Variants in SLC1A1 observed in about 807,000 individuals in gnomAD.
SLC1A1 encodes excitatory amino acid transporter 3.
In SLC1A1, 43 loss-of-function variants were observed where a neutral mutation model predicts 53.3. The observed-to-expected ratio is 0.81, with a 90% CI of 0.63 to 1.04. SLC1A1 has a LOEUF of 1.04. SLC1A1 is among the 50% of genes least tolerant of loss of function. SLC1A1 has a pLI of 0.00. For missense variants in SLC1A1, 748 were observed against 664.9 expected (o/e 1.12, Z -1.37); for synonymous variants, 307 against 243.2 (o/e 1.26, Z -2.44).
intron 1 of SLC1A1, among the ~76,000 whole-genome samples, chr9:4,526,525 T>C (rs7864309): frequency 0.32 from 48,973 of 152,048 alleles, 8,762 homozygotes; most frequent in Admixed American, 0.42. Flanking sequence ...GAAGATGGAA[T>C]TGGGGAGGAT....
chr9:4,561,567 T>C, intron 3 of SLC1A1, 26 bp downstream of exon 3: 1 of 1,297,050 alleles, frequency 7.7e-7, no homozygotes, highest in Non-Finnish European at 1.1e-6. Context: ...GAATCCTTAC[T>C]ACTTTATGTA....
chr9:4,571,025 T>C (rs997328314), intron 6 of SLC1A1, among the ~76,000 whole-genome samples: 1 of 152,160 alleles, frequency 6.6e-6, no homozygotes, highest in Non-Finnish European at 1.5e-5. Flanking sequence ...TGTGTACATA[T>C]ATACCATGGA....
At chr9:4,576,785 A>G in intron 10 of SLC1A1, 22 bp downstream of exon 10, 1 of 1,603,910 alleles carries the variant, frequency 6.2e-7, no homozygotes, top group Non-Finnish European at 8.5e-7. Flanking sequence ...TGTCACATTC[A>G]TTGTCATCAC....
chr9:4,517,614 G>T (rs942130084), intron 1 of SLC1A1, among the ~76,000 whole-genome samples: 1 of 152,222 alleles, frequency 6.6e-6, no homozygotes, highest in African/African-American at 2.4e-5. Context: ...AAAGATGACA[G>T]CCAGGAGGAA....
At position 4,572,245 on chromosome 9, in the gene SLC1A1, T is replaced by G. The variant is rs755541321; in HGVS notation, c.624T>G (p.Asp208Glu). The G allele has an allele frequency of 1.9e-6, 3 of 1,614,084 alleles. No individual in the cohort carries two copies. In the East Asian group the frequency reaches 6.7e-5, roughly 36 times the overall value. Residue 208 changes from aspartate (D) to glutamate (E), a missense_variant, in exon 7 of 12, where the codon GAT becomes GAG. Transcript: ENST00000262352. The stretch of plus-strand genomic sequence containing the variant: ...ACAAAATTGTTGGCATGTATTCAGA[T>G]GGCATAAACGTCCTGGGCTTGATTG... Reference protein sequence around the residue: ...KEYKIVGMYSDGINVLGLIVF... With the variant: ...KEYKIVGMYSEGINVLGLIVF...
rs1485984581 is a variant in SLC1A1, at chr9:4,585,884, T to C, written c.*326T>C. On this transcript the variant is annotated 3_prime_UTR_variant, in exon 12 of 12. Coordinates refer to ENST00000262352, the MANE Select transcript of SLC1A1 (RefSeq NM_004170.6). ...TGGATATGAAAGAGAAAATGCTTTC[T>C]CATGCATAGACAAGTGTTTTGGGTT... The C allele has an allele frequency of 3.3e-6, 1 of 304,052 alleles. No homozygotes were observed. Among genetic ancestry groups the C allele is most frequent in the East Asian group, 7.7e-5 (1 of 12,974 alleles). 18.8% of individuals were successfully genotyped at this position (304,052 alleles called of 1,614,324 possible).
intron 4 of SLC1A1, among the ~76,000 whole-genome samples, chr9:4,565,059 C>G (rs1021808234): frequency 1.3e-5 from 2 of 152,114 alleles, no homozygotes; most frequent in African/African-American, 4.8e-5. Flanking sequence ...TTCTATAGAA[C>G]AGAGCACCAA....
rs774927739 is a variant in SLC1A1, at chr9:4,585,362, G to A, written c.1379G>A (p.Gly460Asp). ...VNVLGDAFGT[G>D]IVEKLSKKEL... ...GTCCTTGGTGATGCTTTTGGGACGG[G>A]CATTGTGGAAAAGCTCTCCAAGAAG... The change falls in exon 12 of 12, where the codon GGC becomes GAC. Residue 460 changes from glycine (G) to aspartate (D), a missense_variant. Gly to Asp is a moderately conservative substitution (Grantham distance 94). Transcript: ENST00000262352. 9 of 1,614,064 alleles carry A rather than the reference G, an allele frequency of 5.6e-6. No homozygotes were observed. Among genetic ancestry groups the A allele is most frequent in the Middle Eastern group, 1.6e-4 (1 of 6,076 alleles).
chr9:4,504,307 A>AT (rs1437781058), intron 1 of SLC1A1, among the ~76,000 whole-genome samples: 6 of 152,004 alleles, frequency 3.9e-5, no homozygotes, highest in Non-Finnish European at 8.8e-5. Flanking sequence ...TTATTTCTGG[A>AT]TTTTCCCCCT....
chr9:4,567,143 A>G (rs1008010713), intron 5 of SLC1A1, among the ~76,000 whole-genome samples: 1 of 152,216 alleles, frequency 6.6e-6, no homozygotes, highest in Non-Finnish European at 1.5e-5. Flanking sequence ...GGGCTGAAAG[A>G]AGAGAATTCA....
At chr9:4,527,183 GT>G (rs1304139264) in intron 1 of SLC1A1, among the ~76,000 whole-genome samples, 4 of 152,290 alleles carry the variant, frequency 2.6e-5, no homozygotes, top group Non-Finnish European at 4.4e-5. Context: ...CTACCAGGAA[GT>G]GAATCCTGAG....
chr9:4,572,330 G>A lies in SLC1A1; in HGVS notation c.709G>A (p.Val237Met). The part of the protein sequence containing the change: ...GKMGEKGQIL[V>M]DFFNALSDAT... ...AATGGGAGAAAAGGGACAAATTCTG[G>A]TGGATTTCTTCAATGCTTTGAGTGA... The change falls in exon 7 of 12, where the codon GTG (valine) becomes ATG (methionine). Residue 237 changes from valine (V) to methionine (M), a missense_variant. Physicochemically the swap from Val to Met is conservative, Grantham distance 21. Coordinates refer to ENST00000262352, the MANE Select transcript of SLC1A1 (RefSeq NM_004170.6). 6.2e-7 allele frequency: 1 copy of A among 1,614,146 alleles called. No individual in the cohort carries two copies. Among genetic ancestry groups the A allele is most frequent in the East Asian group, 2.2e-5 (1 of 44,880 alleles).
chr9:4,502,729 C>T (rs1211937327), intron 1 of SLC1A1, among the ~76,000 whole-genome samples: 1 of 151,788 alleles, frequency 6.6e-6, no homozygotes, highest in Non-Finnish European at 1.5e-5. Flanking sequence ...CTTCTTCCTT[C>T]CTAGTAAACC....
At chr9:4,532,677 G>C (rs1010528169) in intron 1 of SLC1A1, among the ~76,000 whole-genome samples, 3 of 152,278 alleles carry the variant, frequency 2.0e-5, no homozygotes, top group Middle Eastern at 6.8e-3. Context: ...AACCCAGCAA[G>C]TCAGGCCAAC....
intron 1 of SLC1A1, among the ~76,000 whole-genome samples, chr9:4,531,373 C>T (rs2130852941): frequency 6.6e-6 from 1 of 152,300 alleles, no homozygotes; most frequent in South Asian, 2.1e-4. Context: ...TTGCACTTTT[C>T]CAACGGTCTT....
intron 1 of SLC1A1, among the ~76,000 whole-genome samples, chr9:4,528,514 T>A (rs540942092): frequency 1.5e-4 from 23 of 152,108 alleles, no homozygotes; most frequent in Non-Finnish European, 2.6e-4. Flanking sequence ...AGGCGGAGGT[T>A]GCAGTGAGCC....
chr9:4,495,528 C>T (rs1261389074), intron 1 of SLC1A1, among the ~76,000 whole-genome samples: 1 of 152,002 alleles, frequency 6.6e-6, no homozygotes, highest in Non-Finnish European at 1.5e-5. Context: ...CAATTTTAAA[C>T]AGGGTGACAG....
intron 1 of SLC1A1, among the ~76,000 whole-genome samples, chr9:4,507,674 G>A (rs1453875178): frequency 6.6e-6 from 1 of 152,158 alleles, no homozygotes; most frequent in Non-Finnish European, 1.5e-5. Context: ...TAAGGAACGG[G>A]CTGAAGAATG....
At position 4,514,049 on chromosome 9, in the gene SLC1A1, G is replaced by A. The variant is rs570213261; in HGVS notation, c.91+23279G>A. 3.9e-5 allele frequency among the ~76,000 whole-genome samples: 6 copies of A among 152,318 alleles called. No individual in the cohort carries two copies. The South Asian group carries it at 1.2e-3, about 32-fold the overall frequency. ...AGAGGTTAGGAATGGAGAAAGGTGT[G>A]ACTAGAAAGATACAGCATGAGAGAG... On this transcript the variant is annotated intron_variant, in intron 1 of 11. Coordinates refer to ENST00000262352, the MANE Select transcript of SLC1A1 (RefSeq NM_004170.6).
Sources: gnomAD v4.1 joint callset for allele counts (sites outside exome capture counted in the v4.1 genomes callset) on GRCh38, gnomAD v4.1.1 for gene constraint, MANE v1.5 for transcripts, NCBI Gene and HGNC (gene_info 2026-07-23, HGNC 2026-07-21) for gene names.